NLRP4: variants seen among roughly 807,000 people sequenced by gnomAD.
NLRP4 encodes NACHT, LRR and PYD domains-containing protein 4.
Under a neutral mutation model 84.7 loss-of-function variants are expected in NLRP4, and 44 were observed. The ratio of observed to expected loss-of-function variants is 0.52; its 90% CI spans 0.41 to 0.67. The LOEUF (loss-of-function observed/expected upper bound fraction) is 0.67, where lower values mean the gene tolerates loss of function less well. Among genes scored for constraint, NLRP4 ranks in the 30% least tolerant of loss-of-function variants. The pLI is 0.00. For missense variants in NLRP4, 1,260 were observed against 1,219.4 expected, an observed-to-expected ratio of 1.03 and a Z score of -0.50; for synonymous variants, 544 against 476.4, an observed-to-expected ratio of 1.14 and a Z score of -1.85.
At chr19:55,866,363 C>T (rs1984955292) in intron 5 of NLRP4, among the ~76,000 whole-genome samples, 2 of 152,188 alleles carry the variant, frequency 1.3e-5, no homozygotes, top group African/African-American at 2.4e-5. Context: ...CTAGAAAGAA[C>T]ATTAAAAGCA....
chr19:55,856,915 C>T (rs907605637), intron 2 of NLRP4, among the ~76,000 whole-genome samples: 1 of 152,202 alleles, frequency 6.6e-6, no homozygotes, highest in East Asian at 1.9e-4. Context: ...ATTCTATCCT[C>T]TCTACTGCAT....
rs1159858888 is a variant in NLRP4 at position 55,858,270 on chromosome 19, A to G, written c.877A>G (p.Ile293Val). The G allele has an allele frequency of 4.3e-6, 7 of 1,614,190 alleles. No individual in the cohort carries two copies. Among genetic ancestry groups the G allele is most frequent in the South Asian group, 1.1e-5 (1 of 91,084 alleles). ...GAAGGAGCTCCGGGATCAGGTGACG[A>G]TCTCAGAAATCTACCAGCCCCGGGG... is the stretch of plus-strand genomic sequence containing the variant. ...CPKELRDQVTISEIYQPRGFN... is the reference protein window; with the variant it reads ...CPKELRDQVTVSEIYQPRGFN... Residue 293 changes from isoleucine (I) to valine (V), a missense_variant, in exon 3 of 10, where the codon ATC (isoleucine) becomes GTC (valine). Physicochemically the swap from Ile to Val is conservative, Grantham distance 29. Coordinates refer to ENST00000301295, the MANE Select transcript of NLRP4 (RefSeq NM_134444.5). This position sits in a 1 kb window ranked among gnomAD's most constrained non-coding sequence, Gnocchi z 4.2.
chr19:55,848,300 C>T (rs776483115), intron 1 of NLRP4, among the ~76,000 whole-genome samples: 4 of 152,040 alleles, frequency 2.6e-5, no homozygotes, highest in Non-Finnish European at 5.9e-5. Context: ...CCCATGTTGG[C>T]CTTGATCTCC....
At chr19:55,875,149 G>C (rs1985321391) in intron 7 of NLRP4, among the ~76,000 whole-genome samples, 1 of 152,192 alleles carries the variant, frequency 6.6e-6, no homozygotes, top group African/African-American at 2.4e-5. Flanking sequence ...AATGATGAGA[G>C]AAAAGCTTTC....
chr19:55,852,465 G>T, intron 2 of NLRP4, 105 bp downstream of exon 2: 3 of 649,468 alleles, frequency 4.6e-6, no homozygotes, highest in Non-Finnish European at 7.9e-6. Flanking sequence ...TGTGCTATGG[G>T]AAAATATTAG....
intron 1 of NLRP4, among the ~76,000 whole-genome samples, 181 bp from the exon 2 acceptor site, chr19:55,851,833 ATC>A (rs1984173368): frequency 6.6e-6 from 1 of 152,184 alleles, no homozygotes; most frequent in Non-Finnish European, 1.5e-5. Flanking sequence ...GGATTATTGT[ATC>A]TCTGATTCCC....
At chr19:55,861,794 G>T (rs1443116768) in intron 4 of NLRP4, among the ~76,000 whole-genome samples, 198 bp from the exon 5 acceptor site, 1 of 152,134 alleles carries the variant, frequency 6.6e-6, no homozygotes, top group African/African-American at 2.4e-5. Flanking sequence ...CCCTTGTCCA[G>T]ATAACCAAAA....
In NLRP4 at chr19:55,836,605, G is replaced by C. The variant is rs1015369461; in HGVS notation, c.-395G>C. The C allele has an allele frequency of 1.6e-4, 24 of 152,612 alleles. No homozygotes were observed. The highest frequency in any genetic ancestry group is 1.5e-3 in the Admixed American group (23 of 15,278). 9.5% of individuals were successfully genotyped at this position (152,612 alleles called of 1,614,324 possible). A position where few individuals can be genotyped will look rare whatever the true frequency, so the allele number is the denominator to read the frequency against. ...GCTGGGCTGTTCGTCTCTTCTATGT[G>C]CTGATTTCCTGGGTTACTTTGGGTC... On this transcript the variant is annotated 5_prime_UTR_variant, in exon 1 of 10. Coordinates refer to ENST00000301295, the MANE Select transcript of NLRP4 (RefSeq NM_134444.5).
At chr19:55,836,996 C>T (rs1377209780) in intron 1 of NLRP4, 62 bp downstream of exon 1, 2 of 152,190 alleles carry the variant, frequency 1.3e-5, no homozygotes, top group African/African-American at 2.4e-5. Flanking sequence ...TGTGAGCTTG[C>T]TCTCTGACCT....
At chr19:55,854,179 C>T (rs1044932223) in intron 2 of NLRP4, among the ~76,000 whole-genome samples, 11 of 152,180 alleles carry the variant, frequency 7.2e-5, no homozygotes, top group Admixed American at 5.9e-4. Context: ...CCCATGTTGG[C>T]CAGGCTGGTC....
chr19:55,862,246 T>C (rs1984792905), intron 5 of NLRP4, 87 bp downstream of exon 5: 1 of 664,640 alleles, frequency 1.5e-6, no homozygotes, highest in African/African-American at 2.0e-5. Context: ...CTGATTAGGT[T>C]TCAGAGAAAA....
chr19:55,878,481 A>AAT (rs1446007915), intron 8 of NLRP4, among the ~76,000 whole-genome samples: 2 of 151,768 alleles, frequency 1.3e-5, no homozygotes, highest in East Asian at 1.9e-4. Flanking sequence ...TTGTTATCTG[A>AAT]GACGGCTTCA....
intron 3 of NLRP4, among the ~76,000 whole-genome samples, chr19:55,859,940 A>AAAAAAAAAAAAAAC (rs1984666483): frequency 7.1e-6 from 1 of 140,164 alleles, no homozygotes; most frequent in African/African-American, 2.9e-5. Context: ...AAAAAAAAAA[A>AAAAAAAAAAAAAAC]AAAAAAAAAA....
chr19:55,872,676 G>C (rs1985230339), intron 7 of NLRP4, among the ~76,000 whole-genome samples: 1 of 152,100 alleles, frequency 6.6e-6, no homozygotes, highest in African/African-American at 2.4e-5. Flanking sequence ...CAGAAAAATA[G>C]GTAAATCATA....
At chr19:55,837,116 G>GT (rs1983352937) in intron 1 of NLRP4, among the ~76,000 whole-genome samples, 182 bp downstream of exon 1, 1 of 152,098 alleles carries the variant, frequency 6.6e-6, no homozygotes, top group Non-Finnish European at 1.5e-5. Context: ...GAGATGTGTT[G>GT]GTACATGTAT....
chr19:55,858,423 T>C lies in NLRP4; in HGVS notation c.1030T>C (p.Cys344Arg), dbSNP rs1269994225. The part of the protein sequence containing the change: ...LFSICQIPLL[C>R]WILCTSLKQE... The stretch of plus-strand genomic sequence containing the variant: ...TTCCATATGCCAAATCCCGCTCCTC[T>C]GCTGGATCCTGTGTACCAGTCTGAA... The change falls in exon 3 of 10, where the codon TGC becomes CGC. Residue 344 changes from cysteine (C) to arginine (R), a missense_variant. Coordinates refer to ENST00000301295, the MANE Select transcript of NLRP4 (RefSeq NM_134444.5). This position sits in a 1 kb window ranked among gnomAD's most constrained non-coding sequence, Gnocchi z 4.2. The C allele has an allele frequency of 6.2e-7, 1 of 1,614,026 alleles. No individual in the cohort carries two copies. The highest frequency in any genetic ancestry group is 1.7e-5 in the Admixed American group (1 of 60,004).
chr19:55,848,598 T>A (rs1017989025), intron 1 of NLRP4, among the ~76,000 whole-genome samples: 4 of 152,060 alleles, frequency 2.6e-5, no homozygotes, highest in African/African-American at 7.2e-5. Flanking sequence ...GAGATGGGGT[T>A]TCACCATGTT....
In NLRP4 at chr19:55,857,839, G is replaced by T; in HGVS notation, c.446G>T (p.Arg149Leu). ...FAPKEAGKQPRTVIIQGPQGI... is the reference protein window; with the variant it reads ...FAPKEAGKQPLTVIIQGPQGI... The stretch of plus-strand genomic sequence containing the variant: ...CCCAAGGAAGCTGGGAAACAGCCAC[G>T]TACAGTGATCATTCAAGGACCACAA... Residue 149 changes from arginine (R) to leucine (L), a missense_variant, in exon 3 of 10, where the codon CGT (arginine) becomes CTT (leucine). By Grantham distance (102) the Arg-to-Leu change is moderately radical. This residue lies in a region of NLRP4 where 712 missense variants were observed against 669.2 expected (regional missense o/e 1.06). Coordinates refer to ENST00000301295, the MANE Select transcript of NLRP4 (RefSeq NM_134444.5). The T allele has an allele frequency of 1.2e-6, 2 of 1,613,908 alleles. No individual in the cohort carries two copies. Among genetic ancestry groups the T allele is most frequent in the Non-Finnish European group, 1.7e-6 (2 of 1,179,804 alleles).
chr19:55,849,342 G>T (rs1368651388), intron 1 of NLRP4, among the ~76,000 whole-genome samples: 2 of 152,202 alleles, frequency 1.3e-5, no homozygotes, highest in Non-Finnish European at 2.9e-5. Flanking sequence ...CCTTGCATGA[G>T]TGTGACTGTA....
Sources: gnomAD v4.1 joint callset for allele counts (sites outside exome capture counted in the v4.1 genomes callset) on GRCh38, gnomAD v4.1.1 for gene constraint, gnomAD v4.1.1 regional missense constraint, Gnocchi (gnomAD v3.1) non-coding constraint, MANE v1.5 for transcripts, NCBI Gene and HGNC (gene_info 2026-07-23, HGNC 2026-07-21) for gene names.